The following SPECC1 variants were observed in gnomAD, a reference collection of about 807,000 sequenced individuals.
SPECC1 encodes the protein cytospin-B.
SPECC1 carries 62 observed loss-of-function variants against 104.1 expected under a neutral mutation model. That is an observed-to-expected ratio of 0.60 (90% CI 0.49 to 0.74). SPECC1 has a LOEUF of 0.74. Ranked by LOEUF, SPECC1 falls within the 30% of genes least tolerant of loss-of-function variation. The pLI is 0.00. For synonymous variants in SPECC1, 513 were observed against 501.6 expected (o/e 1.02, Z -0.30); for missense variants, 1,306 against 1,310.5 (o/e 1.00, Z 0.05).
intron 3 of SPECC1, among the ~76,000 whole-genome samples, chr17:20,141,100 G>C (rs114059980): frequency 0.012 from 1,796 of 152,248 alleles, 33 homozygotes; most frequent in African/African-American, 0.04. Flanking sequence ...TGCAGACCTT[G>C]ATGGATATGC....
At chr17:20,127,118 T>G (rs879509311) in intron 3 of SPECC1, among the ~76,000 whole-genome samples, 3 of 152,260 alleles carry the variant, frequency 2.0e-5, no homozygotes, top group Non-Finnish European at 4.4e-5. Context: ...TTTTAATCTT[T>G]AGTCTGATTT....
chr17:20,038,943 T>C (rs957039126), intron 1 of SPECC1, among the ~76,000 whole-genome samples: 17 of 152,216 alleles, frequency 1.1e-4, no homozygotes, highest in African/African-American at 3.9e-4. Context: ...TAAAAAGCGT[T>C]AGATATAATC....
chr17:20,122,658 C>T (rs141030738), intron 3 of SPECC1, among the ~76,000 whole-genome samples: 67 of 152,300 alleles, frequency 4.4e-4, no homozygotes, highest in African/African-American at 1.5e-3. Context: ...CCTCAGCTCC[C>T]GGCAAGCACC....
chr17:20,294,224 C>T (rs2041266615), intron 12 of SPECC1, among the ~76,000 whole-genome samples: 1 of 152,212 alleles, frequency 6.6e-6, no homozygotes, highest in Non-Finnish European at 1.5e-5. Context: ...TCAGGTGATC[C>T]ACTTGCCTCG....
chr17:20,257,332 C>T, intron 10 of SPECC1, 119 bp from the exon 11 acceptor site: 1 of 1,174,036 alleles, frequency 8.5e-7, no homozygotes, highest in Non-Finnish European at 1.2e-6. Context: ...ACTTCAGAAA[C>T]TATATATATG....
At chr17:20,077,477 T>TTAAA (rs2046805223) in intron 1 of SPECC1, among the ~76,000 whole-genome samples, 1 of 152,138 alleles carries the variant, frequency 6.6e-6, no homozygotes, top group Non-Finnish European at 1.5e-5. Flanking sequence ...TTTTGTTTTT[T>TTAAA]TGTTTTTGAG....
chr17:20,213,312 G>C (rs1254715242), intron 4 of SPECC1, among the ~76,000 whole-genome samples: 4 of 152,078 alleles, frequency 2.6e-5, no homozygotes, highest in Non-Finnish European at 4.4e-5. Context: ...TGACAAGGCT[G>C]ATCTCAAACT....
intron 7 of SPECC1, among the ~76,000 whole-genome samples, chr17:20,236,608 T>TGGAA (rs1181963762): frequency 0.013 from 1,166 of 91,052 alleles, 17 homozygotes; most frequent in African/African-American, 0.073. Flanking sequence ...AGTTCTTTGC[T>TGGAA]GGAGAAGTTC....
chr17:20,245,970 G>A lies in SPECC1; in HGVS notation c.2396G>A (p.Gly799Asp), dbSNP rs763542666. Residue 799 changes from glycine (G) to aspartate (D), a missense_variant, in exon 8 of 15, where the codon GGT becomes GAT. Physicochemically the swap from Gly to Asp is moderately conservative, Grantham distance 94. Around this residue, in one of 2 missense-constraint regions of SPECC1, gnomAD observed 1,177 missense variants for 1,139.9 expected, o/e 1.03. Transcript: ENST00000395527. ...EPESSEVDAA[G>D]RWPGVCVSRT... ...GAGTCCTCTGAGGTCGATGCTGCTG[G>A]TCGGTGGCCTGGTGTCTGTGTTAGC... The A allele has an allele frequency of 1.2e-6, 2 of 1,614,138 alleles. No homozygotes were observed. The highest frequency in any genetic ancestry group is 1.7e-6 in the Non-Finnish European group (2 of 1,180,020).
At chr17:20,053,672 G>C (rs1215765998) in intron 1 of SPECC1, among the ~76,000 whole-genome samples, 2 of 152,202 alleles carry the variant, frequency 1.3e-5, no homozygotes, top group Non-Finnish European at 2.9e-5. Flanking sequence ...GAGATCTCCT[G>C]CCAACAACCA....
intron 3 of SPECC1, among the ~76,000 whole-genome samples, chr17:20,168,820 T>C (rs1016959429): frequency 6.6e-6 from 1 of 152,172 alleles, no homozygotes; most frequent in African/African-American, 2.4e-5. Flanking sequence ...GCTTATATGA[T>C]GTAGATGTAT....
chr17:20,207,875 A>G (rs1308218332), intron 4 of SPECC1, among the ~76,000 whole-genome samples: 1 of 152,198 alleles, frequency 6.6e-6, no homozygotes, highest in Non-Finnish European at 1.5e-5. Context: ...CTATTCCACT[A>G]TTAATCTGTT....
rs755901399 is a variant in SPECC1 at position 20,205,294 on chromosome 17, G to A, written c.1245G>A (p.Leu415=). 3.7e-6 allele frequency: 6 copies of A among 1,614,216 alleles called. No homozygotes were observed. The highest frequency in any genetic ancestry group is 3.3e-4 in the Middle Eastern group (2 of 6,062). Residue 415 remains leucine, a synonymous_variant, in exon 4 of 15, where the codon CTG becomes CTA. Transcript: ENST00000395527. ...AATTGACAGCTGAAAATGAGAAGCT[G>A]GTGGATGAAAAGACGATTTTAGAGA... ...VQELTAENEK[L]VDEKTILETS...
At chr17:20,236,263 T>C (rs937062577) in intron 7 of SPECC1, among the ~76,000 whole-genome samples, 2 of 152,158 alleles carry the variant, frequency 1.3e-5, no homozygotes, top group Non-Finnish European at 2.9e-5. Flanking sequence ...TGGCCCTTGA[T>C]GCAGAACCTG....
At chr17:20,216,825 G>A (rs2037520652) in intron 4 of SPECC1, among the ~76,000 whole-genome samples, 1 of 152,168 alleles carries the variant, frequency 6.6e-6, no homozygotes, top group African/African-American at 2.4e-5. Context: ...ATTGCTGGGT[G>A]TCTAAGAGTG....
At position 20,308,389 on chromosome 17, in the gene SPECC1, C is replaced by CAAAAAAA. The variant is rs3072413; in HGVS notation, c.3117+2323_3117+2329dup. Among the ~76,000 whole-genome samples, 32 of 66,572 alleles carry CAAAAAAA rather than the reference C, an allele frequency of 4.8e-4. 1 individual carries two copies. The highest frequency in any genetic ancestry group is 1.4e-3 in the African/African-American group (20 of 14,062). The allele number at this position is 66,572 out of a possible 152,430, so 43.7% of individuals were successfully genotyped here. A position where few individuals can be genotyped will look rare whatever the true frequency, so the allele number is the denominator to read the frequency against. On this transcript the variant is annotated intron_variant, in intron 14 of 14. Transcript: ENST00000395527. ...GGGTGACAAGAGCGAAACTCCATCT[C>CAAAAAAA]AAAAAAAAAAAAAAAAAAAAAATTC...
chr17:20,130,496 T>C (rs1229394127), intron 3 of SPECC1, among the ~76,000 whole-genome samples: 2 of 152,124 alleles, frequency 1.3e-5, no homozygotes, highest in African/African-American at 4.8e-5. Context: ...AATAACGCCA[T>C]TGCACTCCAG....
At chr17:20,292,167 C>G (rs1024922666) in intron 12 of SPECC1, among the ~76,000 whole-genome samples, 4 of 151,908 alleles carry the variant, frequency 2.6e-5, no homozygotes, top group Admixed American at 6.6e-5. Context: ...TGGCAGGGGC[C>G]ACAGTGCTCT....
rs528598825 is a variant in SPECC1 at position 20,037,405 on chromosome 17, C to A, written c.-22+27981C>A. Among the ~76,000 whole-genome samples the A allele has an allele frequency of 3.9e-5, 6 of 152,222 alleles. No homozygotes were observed. The South Asian group carries it at 1.2e-3, about 32-fold the overall frequency. On this transcript the variant is annotated intron_variant, in intron 1 of 14. Transcript: ENST00000395527. ...ACCTCAGGTGATCCACCAGCGTCAGCCTCCCAAAGTGCTGAGATTACAGGT... is the reference window on the plus strand; with the variant it reads ...ACCTCAGGTGATCCACCAGCGTCAGACTCCCAAAGTGCTGAGATTACAGGT...
Sources: gnomAD v4.1 joint callset for allele counts (sites outside exome capture counted in the v4.1 genomes callset) on GRCh38, gnomAD v4.1.1 for gene constraint, gnomAD v4.1.1 regional missense constraint, MANE v1.5 for transcripts, NCBI Gene and HGNC (gene_info 2026-07-23, HGNC 2026-07-21) for gene names.